The following PCM1 variants were observed in gnomAD, a reference collection of about 807,000 sequenced individuals.
PCM1 encodes the protein pericentriolar material 1 protein.
A neutral mutation model predicts 241.9 loss-of-function variants in PCM1; 157 were observed. The ratio of observed to expected loss-of-function variants is 0.65; its 90% CI spans 0.57 to 0.74. The LOEUF is 0.74. Ranked by LOEUF, PCM1 falls within the 30% of genes least tolerant of loss-of-function variation. The pLI is 0.00. For missense variants in PCM1, 3,478 were observed against 2,360.1 expected (o/e 1.47, Z -9.81); for synonymous variants, 1,085 against 784.9 (o/e 1.38, Z -6.39).
intron 29 of PCM1, among the ~76,000 whole-genome samples, chr8:18,003,830 A>G (rs772271772): frequency 2.6e-5 from 4 of 152,096 alleles, no homozygotes; most frequent in South Asian, 4.1e-4. Context: ...TTATATAGAT[A>G]TTTATCTCAG....
chr8:18,018,500 C>G (rs2093434047), intron 36 of PCM1, among the ~76,000 whole-genome samples: 1 of 152,164 alleles, frequency 6.6e-6, no homozygotes, highest in Non-Finnish European at 1.5e-5. Context: ...AAAACAATTC[C>G]TTGTACTTGT....
At chr8:17,943,781 C>G (rs913280665) in intron 6 of PCM1, among the ~76,000 whole-genome samples, 8 of 152,130 alleles carry the variant, frequency 5.3e-5, no homozygotes, top group African/African-American at 1.9e-4. Context: ...TCTGCAGGAA[C>G]TGTCATTCTT....
chr8:17,968,428 G>A (rs930842556), intron 21 of PCM1, among the ~76,000 whole-genome samples: 5 of 152,280 alleles, frequency 3.3e-5, no homozygotes, highest in South Asian at 4.1e-4. Context: ...GTGAACAGAA[G>A]GCTGTCATAA....
intron 29 of PCM1, among the ~76,000 whole-genome samples, chr8:17,998,858 G>A (rs1564282101): frequency 6.6e-6 from 1 of 152,108 alleles, no homozygotes; most frequent in African/African-American, 2.4e-5. Context: ...TGGCTAAGCT[G>A]GCCTTTAAAC....
chr8:17,935,494 G>A, intron 2 of PCM1, 95 bp from the exon 3 acceptor site: 1 of 602,402 alleles, frequency 1.7e-6, no homozygotes, highest in Non-Finnish European at 3.0e-6. Flanking sequence ...AAAAATCAGT[G>A]CTTCAAAGAT....
chr8:17,960,002 A>G lies in PCM1; in HGVS notation c.2041-12A>G, dbSNP rs777132038. The G allele has an allele frequency of 3.1e-6, 5 of 1,611,020 alleles. No individual in the cohort carries two copies. The highest frequency in any genetic ancestry group is 4.2e-6 in the Non-Finnish European group (5 of 1,178,434). On this transcript the variant is annotated splice_polypyrimidine_tract_variant and intron_variant, in intron 13 of 38. Transcript: ENST00000325083. Reference sequence around the variant, plus strand: ...GTATCAAGATTGTTTTAATGTAATGATGCTCTTTCAGGATGATGATGCAGC... The same window carrying G: ...GTATCAAGATTGTTTTAATGTAATGGTGCTCTTTCAGGATGATGATGCAGC...
intron 36 of PCM1, among the ~76,000 whole-genome samples, chr8:18,022,396 A>G (rs1403485622): frequency 6.6e-6 from 1 of 152,260 alleles, no homozygotes; most frequent in South Asian, 2.1e-4. Context: ...TGTTCAAAGA[A>G]TAGCCACTCT....
At chr8:17,943,770 C>G (rs528024260) in intron 6 of PCM1, among the ~76,000 whole-genome samples, 2 of 152,198 alleles carry the variant, frequency 1.3e-5, no homozygotes, top group South Asian at 4.1e-4. Flanking sequence ...TTTTTCTCTA[C>G]TCTGCAGGAA....
chr8:17,990,669 G>A (rs1409708172), intron 27 of PCM1, among the ~76,000 whole-genome samples: 1 of 152,090 alleles, frequency 6.6e-6, no homozygotes, highest in Admixed American at 6.6e-5. Context: ...TGAGAATTCA[G>A]TCATTTGCCA....
Position 17,947,318 on chromosome 8 carries a change from C to T in PCM1, c.916C>T (p.Leu306=), listed in dbSNP as rs753308958. ...GGGACGGCAGGCTGCACTTCTAGCT[C>T]TGCAACATAAAGCAGAGCAAGCTAT... ...LQGRQAALLA[L]QHKAEQAIAV... The change falls in exon 7 of 39, where the codon CTG becomes TTG. Residue 306 remains leucine (L), a synonymous_variant. Coordinates refer to ENST00000325083, the MANE Select transcript of PCM1 (RefSeq NM_006197.4). 4 of 1,612,366 alleles carry T rather than the reference C, an allele frequency of 2.5e-6. No homozygotes were observed. Among genetic ancestry groups the T allele is most frequent in the Admixed American group, 3.3e-5 (2 of 59,788 alleles).
intron 36 of PCM1, among the ~76,000 whole-genome samples, chr8:18,021,018 A>C (rs1333338611): frequency 6.6e-6 from 1 of 152,216 alleles, no homozygotes; most frequent in African/African-American, 2.4e-5. Context: ...TTTATGGCCA[A>C]GTCTGAAATT....
intron 6 of PCM1, among the ~76,000 whole-genome samples, chr8:17,942,557 T>C (rs538500573): frequency 9.3e-4 from 141 of 152,328 alleles, no homozygotes; most frequent in Non-Finnish European, 1.7e-3. Flanking sequence ...ATTTGCTTTT[T>C]TTAGAAAAAT....
chr8:17,942,308 A>T (rs1031678643), intron 6 of PCM1, among the ~76,000 whole-genome samples: 10 of 152,266 alleles, frequency 6.6e-5, no homozygotes, highest in African/African-American at 2.4e-4. Context: ...CTCTACTAAA[A>T]ATACAAAAAT....
chr8:17,932,275 G>A (rs1253470995), intron 2 of PCM1, among the ~76,000 whole-genome samples: 4 of 151,990 alleles, frequency 2.6e-5, no homozygotes, highest in African/African-American at 9.7e-5. Flanking sequence ...CATATTTAAG[G>A]TTGTTTTCTT....
In PCM1 at chr8:18,011,671, G is replaced by A. The variant is rs1359861299; in HGVS notation, c.5355G>A (p.Leu1785=). 1.9e-6 allele frequency: 3 copies of A among 1,605,164 alleles called. No individual in the cohort carries two copies. The highest frequency in any genetic ancestry group is 1.7e-5 in the Admixed American group (1 of 58,488). ...ESEGCPVSIN[L]SKAETQALTN... ...ATTGTGTATTAATCAACTTAGATTT[G>A]TCTAAAGCTGAAACTCAGGCTTTAA... is the stretch of plus-strand genomic sequence containing the variant. Residue 1785 remains leucine (L), a synonymous_variant, in exon 34 of 39, where the codon TTG becomes TTA. Coordinates refer to ENST00000325083, the MANE Select transcript of PCM1 (RefSeq NM_006197.4).
intron 29 of PCM1, among the ~76,000 whole-genome samples, chr8:17,995,076 G>T (rs1490223622): frequency 6.6e-6 from 1 of 151,324 alleles, no homozygotes; most frequent in Non-Finnish European, 1.5e-5. Context: ...AGTGCTTGTG[G>T]GGTATCACTC....
intron 6 of PCM1, among the ~76,000 whole-genome samples, chr8:17,940,923 G>C (rs1027703265): frequency 1.3e-5 from 2 of 152,110 alleles, no homozygotes; most frequent in Admixed American, 1.3e-4. Flanking sequence ...GAGAGGATAA[G>C]CATATATCTC....
chr8:17,939,151 C>G, intron 5 of PCM1, 142 bp downstream of exon 5: 1 of 707,418 alleles, frequency 1.4e-6, no homozygotes, highest in Non-Finnish European at 2.3e-6. Flanking sequence ...GTTAATCTGC[C>G]AGATTTACTT....
intron 2 of PCM1, among the ~76,000 whole-genome samples, chr8:17,931,362 C>T (rs1435610086): frequency 6.6e-6 from 1 of 151,782 alleles, no homozygotes; most frequent in African/African-American, 2.4e-5. Flanking sequence ...GATCTCAGCA[C>T]ACTGCAACCT....
Sources: allele counts gnomAD v4.1 joint callset (sites outside exome capture counted in the v4.1 genomes callset), GRCh38; gene constraint gnomAD v4.1.1; transcripts MANE v1.5; gene names NCBI Gene and HGNC (gene_info 2026-07-23, HGNC 2026-07-21).